ST6GALNAC3: variants seen among roughly 807,000 people sequenced by gnomAD.
The protein encoded by ST6GALNAC3 is alpha-N-acetylgalactosaminide alpha-2,6-sialyltransferase 3.
ST6GALNAC3 carries 25 observed loss-of-function variants against 32.7 expected under a neutral mutation model. The ratio of observed to expected loss-of-function variants is 0.76; its 90% CI spans 0.56 to 1.07. The LOEUF is 1.07. Among genes scored for constraint, ST6GALNAC3 ranks in the 50% least tolerant of loss-of-function variants. ST6GALNAC3 has a pLI of 0.00. For synonymous variants in ST6GALNAC3, 129 were observed against 133.1 expected (o/e 0.97, Z 0.21); for missense variants, 355 against 382.4 (o/e 0.93, Z 0.60).
intron 3 of ST6GALNAC3, among the ~76,000 whole-genome samples, chr1:76,519,619 T>G (rs1662388666): frequency 6.6e-6 from 1 of 152,174 alleles, no homozygotes; most frequent in African/African-American, 2.4e-5. Flanking sequence ...AGTTGGTTCA[T>G]TAATCTTTGT....
chr1:76,461,573 A>T (rs563462907), intron 3 of ST6GALNAC3, among the ~76,000 whole-genome samples: 1 of 152,262 alleles, frequency 6.6e-6, no homozygotes, highest in East Asian at 1.9e-4. Flanking sequence ...CTGTCTCAGC[A>T]TGGGCATCTG....
At position 76,633,783 on chromosome 1, in the gene ST6GALNAC3, G is replaced by C. The variant is rs1649410356; in HGVS notation, c.*4977G>C. On this transcript the variant is annotated 3_prime_UTR_variant, in exon 5 of 5. Coordinates refer to ENST00000328299, the MANE Select transcript of ST6GALNAC3 (RefSeq NM_152996.4). ...CCACATGTCCCGCAAGACTTAGTCT[G>C]CATAAAAGATTTAAAAGGATTTTTT... 1 of 151,154 alleles carries C rather than the reference G, an allele frequency of 6.6e-6. No individual in the cohort carries two copies. The allele number at this position is 151,154 out of a possible 1,614,324, so 9.4% of individuals were successfully genotyped here. A position where few individuals can be genotyped will look rare whatever the true frequency, so the allele number is the denominator to read the frequency against.
At chr1:76,134,047 C>T (rs1395515861) in intron 1 of ST6GALNAC3, among the ~76,000 whole-genome samples, 1 of 152,154 alleles carries the variant, frequency 6.6e-6, no homozygotes, top group Non-Finnish European at 1.5e-5. Flanking sequence ...AGGAAATTCA[C>T]CGTATACCCA....
intron 3 of ST6GALNAC3, among the ~76,000 whole-genome samples, chr1:76,602,757 T>C (rs1647293782): frequency 6.6e-6 from 1 of 151,952 alleles, no homozygotes; most frequent in African/African-American, 2.4e-5. Flanking sequence ...ATTTGATTAA[T>C]TGATTAATTT....
intron 3 of ST6GALNAC3, among the ~76,000 whole-genome samples, chr1:76,458,463 T>G (rs1168512897): frequency 8.5e-6 from 1 of 117,834 alleles, no homozygotes; most frequent in East Asian, 2.3e-4. Flanking sequence ...TTATTCACAA[T>G]AGCAAAGACT....
chr1:76,603,219 T>C (rs545174496), intron 3 of ST6GALNAC3, among the ~76,000 whole-genome samples: 11 of 152,304 alleles, frequency 7.2e-5, no homozygotes, highest in African/African-American at 1.9e-4. Flanking sequence ...CTAACAATTC[T>C]ACTCCTAGAT....
intron 2 of ST6GALNAC3, among the ~76,000 whole-genome samples, chr1:76,314,864 C>T (rs867227822): frequency 7.2e-5 from 11 of 152,002 alleles, no homozygotes; most frequent in South Asian, 4.1e-4. Flanking sequence ...CAGCTCCCAT[C>T]GAAAGGTCAT....
At chr1:76,400,047 A>G (rs1267710431) in intron 2 of ST6GALNAC3, among the ~76,000 whole-genome samples, 1 of 152,168 alleles carries the variant, frequency 6.6e-6, no homozygotes, top group Admixed American at 6.5e-5. Flanking sequence ...TGACCTCAGT[A>G]TAATATTAAA....
chr1:76,525,791 GTATATATATATATATATATATATATA>G lies in ST6GALNAC3; in HGVS notation c.624-101649_624-101624del, dbSNP rs199721572. Among the ~76,000 whole-genome samples, 20 of 75,530 alleles carry G rather than the reference GTATATATATATATATATATATATATA, an allele frequency of 2.6e-4. 1 individual carries two copies. In the East Asian group the frequency reaches 5.5e-3, roughly 21 times the overall value. 49.6% of individuals were successfully genotyped at this position (75,530 alleles called of 152,430 possible). A position where few individuals can be genotyped will look rare whatever the true frequency, so the allele number is the denominator to read the frequency against. Reference sequence around the variant, plus strand: ...TGTGTTTGTGTGTGTGTGTGTGTGTGTATATATATATATATATATATATATATATATATATATGACCGTTTTGCAGG... The same window carrying G: ...TGTGTTTGTGTGTGTGTGTGTGTGTGTATATATATATGACCGTTTTGCAGG... On this transcript the variant is annotated intron_variant, in intron 3 of 4. Transcript: ENST00000328299.
chr1:76,546,739 C>G (rs903887058), intron 3 of ST6GALNAC3, among the ~76,000 whole-genome samples: 4 of 152,176 alleles, frequency 2.6e-5, no homozygotes, highest in African/African-American at 9.7e-5. Context: ...GCCAGCCATG[C>G]AGTCTGGCAG....
intron 1 of ST6GALNAC3, among the ~76,000 whole-genome samples, chr1:76,215,174 G>A (rs1036247855): frequency 6.6e-6 from 1 of 152,042 alleles, no homozygotes; most frequent in Non-Finnish European, 1.5e-5. Context: ...GAATTCAGAG[G>A]GACCTTAGTA....
At chr1:76,174,608 A>G (rs905967332) in intron 1 of ST6GALNAC3, among the ~76,000 whole-genome samples, 50 of 151,280 alleles carry the variant, frequency 3.3e-4, no homozygotes, top group African/African-American at 1.1e-3. Context: ...AGCTCAGATC[A>G]TGAAGATTTT....
chr1:76,197,808 T>G (rs1654291560), intron 1 of ST6GALNAC3, among the ~76,000 whole-genome samples: 1 of 152,168 alleles, frequency 6.6e-6, no homozygotes, highest in East Asian at 1.9e-4. Flanking sequence ...TGGATAATTC[T>G]TTGTTGATGT....
At chr1:76,365,019 C>A (rs573640498) in intron 2 of ST6GALNAC3, among the ~76,000 whole-genome samples, 2 of 152,268 alleles carry the variant, frequency 1.3e-5, no homozygotes, top group South Asian at 2.1e-4. Context: ...AAAACACCTG[C>A]ATTCATATAT....
At chr1:76,396,621 G>T (rs1372461222) in intron 2 of ST6GALNAC3, among the ~76,000 whole-genome samples, 1 of 152,062 alleles carries the variant, frequency 6.6e-6, no homozygotes, top group South Asian at 2.1e-4. Context: ...TTTATGAATT[G>T]CTAATAAAAG....
At chr1:76,139,026 C>G (rs1570145721) in intron 1 of ST6GALNAC3, among the ~76,000 whole-genome samples, 1 of 152,026 alleles carries the variant, frequency 6.6e-6, no homozygotes, top group Non-Finnish European at 1.5e-5. Context: ...AACCCCGTCT[C>G]TACTAAAAAT....
intron 1 of ST6GALNAC3, among the ~76,000 whole-genome samples, chr1:76,261,059 AG>A (rs1658206702): frequency 6.6e-6 from 1 of 151,644 alleles, no homozygotes; most frequent in Admixed American, 6.6e-5. Flanking sequence ...TTAACTCAGG[AG>A]TTTATTCTTT....
At chr1:76,449,694 G>A (rs1171517668) in intron 3 of ST6GALNAC3, among the ~76,000 whole-genome samples, 1 of 152,120 alleles carries the variant, frequency 6.6e-6, no homozygotes, top group African/African-American at 2.4e-5. Context: ...ATGCTTATTT[G>A]TTATCTGTGT....
intron 1 of ST6GALNAC3, among the ~76,000 whole-genome samples, chr1:76,204,353 G>T (rs1288068688): frequency 6.6e-6 from 1 of 152,152 alleles, no homozygotes; most frequent in Non-Finnish European, 1.5e-5. Context: ...AAATATGGGG[G>T]TAGAGATAGT....
Sources: allele counts gnomAD v4.1 joint callset (sites outside exome capture counted in the v4.1 genomes callset), GRCh38; gene constraint gnomAD v4.1.1; transcripts MANE v1.5; gene names NCBI Gene and HGNC (gene_info 2026-07-23, HGNC 2026-07-21).